The following RGS6 variants were observed in gnomAD, a reference collection of about 807,000 sequenced individuals.
RGS6 encodes the protein regulator of G protein signaling 6.
A neutral mutation model predicts 78.5 loss-of-function variants in RGS6; 30 were observed. That is an observed-to-expected ratio of 0.38 (90% CI 0.29 to 0.52). The LOEUF (loss-of-function observed/expected upper bound fraction) is 0.52, where lower values mean the gene tolerates loss of function less well. Ranked by LOEUF, RGS6 falls within the 20% of genes least tolerant of loss-of-function variation. The probability of loss-of-function intolerance (pLI) is 0.85; values close to 1 mark genes in which losing one functional copy is unlikely to be tolerated. For synonymous variants in RGS6, 206 were observed against 206.0 expected, an observed-to-expected ratio of 1.00 and a Z score of 0.00; for missense variants, 495 against 609.7, an observed-to-expected ratio of 0.81 and a Z score of 1.98.
chr14:72,059,831 G>T (rs2093803254), intron 2 of RGS6, among the ~76,000 whole-genome samples: 1 of 152,088 alleles, frequency 6.6e-6, no homozygotes, highest in Admixed American at 6.5e-5. Context: ...AAGCCAGGAA[G>T]GGAGGCCTCC....
At chr14:72,613,944 G>A in the RGS6 span, among the ~76,000 whole-genome samples, 4 of 152,228 alleles carry the variant, frequency 2.6e-5, no homozygotes, top group South Asian at 8.3e-4. Flanking sequence ...TGCCCAGCAG[G>A]AAGCACCCCC....
chr14:72,610,114 A>G, the RGS6 span, among the ~76,000 whole-genome samples: 1 of 152,202 alleles, frequency 6.6e-6, no homozygotes. Context: ...ATGGGGATAA[A>G]ATGTTGCAGT....
chr14:72,481,929 C>T (rs2096388717), intron 12 of RGS6, among the ~76,000 whole-genome samples: 1 of 151,722 alleles, frequency 6.6e-6, no homozygotes, highest in Admixed American at 6.6e-5. Flanking sequence ...CTGCCTCAGC[C>T]TCCTCAGTAG....
At chr14:72,175,372 C>A (rs576523214) in intron 2 of RGS6, among the ~76,000 whole-genome samples, 1 of 152,266 alleles carries the variant, frequency 6.6e-6, no homozygotes, top group South Asian at 2.1e-4. Context: ...CGTTTCATAG[C>A]CTGTACCAAT....
chr14:72,057,274 A>G (rs2190635), intron 2 of RGS6, among the ~76,000 whole-genome samples: 39,862 of 141,258 alleles, frequency 0.28, 5,600 homozygotes, highest in South Asian at 0.4. Flanking sequence ...AGATCGTGCC[A>G]TTGCACTCTA....
intron 3 of RGS6, among the ~76,000 whole-genome samples, chr14:72,448,547 A>G (rs1450581108): frequency 6.6e-6 from 1 of 152,160 alleles, no homozygotes; most frequent in Non-Finnish European, 1.5e-5. Flanking sequence ...CCTACTTAGA[A>G]TATCCTTCCA....
intron 2 of RGS6, among the ~76,000 whole-genome samples, chr14:72,021,393 A>G (rs1275879963): frequency 1.3e-5 from 2 of 151,436 alleles, no homozygotes; most frequent in Admixed American, 1.3e-4. Context: ...CTTACTCCAT[A>G]CCACACACTG....
chr14:72,120,666 G>T (rs938537361), intron 2 of RGS6, among the ~76,000 whole-genome samples: 3 of 152,174 alleles, frequency 2.0e-5, no homozygotes, highest in Non-Finnish European at 2.9e-5. Context: ...TCATGCAATG[G>T]CATACATGAA....
chr14:72,251,207 G>C (rs1445140352), intron 2 of RGS6, among the ~76,000 whole-genome samples: 1 of 152,222 alleles, frequency 6.6e-6, no homozygotes, highest in Non-Finnish European at 1.5e-5. Context: ...GTCTTTTTAT[G>C]CAGATAAAGT....
chr14:72,122,334 A>G (rs2238260), intron 2 of RGS6, among the ~76,000 whole-genome samples: 93,044 of 151,928 alleles, frequency 0.61, 29,175 homozygotes, highest in African/African-American at 0.73. Context: ...TACCTCATCT[A>G]ATCATCAGTA....
chr14:72,130,353 G>A (rs950910946), intron 2 of RGS6, among the ~76,000 whole-genome samples: 11 of 152,118 alleles, frequency 7.2e-5, no homozygotes, highest in African/African-American at 2.2e-4. Flanking sequence ...GCATGATTGA[G>A]GAAATAATTG....
intron 2 of RGS6, among the ~76,000 whole-genome samples, chr14:72,050,492 T>C (rs1256477014): frequency 2.6e-5 from 4 of 152,210 alleles, no homozygotes; most frequent in African/African-American, 9.6e-5. Flanking sequence ...CAAGAGCATA[T>C]GTTTTCTTCT....
chr14:72,430,586 CTCAGCAAAATTGCCA>C (rs2094587444), intron 3 of RGS6, among the ~76,000 whole-genome samples: 1 of 152,214 alleles, frequency 6.6e-6, no homozygotes, highest in African/African-American at 2.4e-5. Flanking sequence ...CTCAGTTGTA[CTCAGCAAAATTGCCA>C]CCTTTTCTGA....
chr14:72,347,739 G>A (rs993262155), intron 2 of RGS6, among the ~76,000 whole-genome samples: 10 of 152,188 alleles, frequency 6.6e-5, no homozygotes, highest in Non-Finnish European at 1.5e-4. Flanking sequence ...AATGTAAGGA[G>A]GGAGATGAGA....
At chr14:72,152,283 G>T (rs1042538357) in intron 2 of RGS6, among the ~76,000 whole-genome samples, 6 of 151,126 alleles carry the variant, frequency 4.0e-5, no homozygotes, top group African/African-American at 1.5e-4. Flanking sequence ...TGCGCATGCA[G>T]CCTTTAGAGG....
At chr14:72,314,227 G>A (rs2069419340) in intron 2 of RGS6, among the ~76,000 whole-genome samples, 3 of 152,034 alleles carry the variant, frequency 2.0e-5, no homozygotes, top group African/African-American at 7.2e-5. Context: ...GAGATGCTTG[G>A]AGGCAGACCA....
chr14:72,037,396 C>A (rs72737815), intron 2 of RGS6, among the ~76,000 whole-genome samples: 19,805 of 152,160 alleles, frequency 0.13, 1,340 homozygotes, highest in East Asian at 0.17. Flanking sequence ...CGGCTTCATT[C>A]TTGAAATCAG....
At chr14:72,429,289 C>T (rs2094538425) in intron 3 of RGS6, among the ~76,000 whole-genome samples, 3 of 152,222 alleles carry the variant, frequency 2.0e-5, no homozygotes, top group African/African-American at 7.2e-5. Flanking sequence ...CACTTCCATC[C>T]TGCATGGCTA....
At chr14:72,531,776 G>A (rs750052191) in intron 15 of RGS6, among the ~76,000 whole-genome samples, 7 of 152,122 alleles carry the variant, frequency 4.6e-5, no homozygotes, top group Non-Finnish European at 1.0e-4. Flanking sequence ...ACATATGCGT[G>A]GTCTCATACA....
Sources: gnomAD v4.1 joint callset for allele counts (sites outside exome capture counted in the v4.1 genomes callset) on GRCh38, gnomAD v4.1.1 for gene constraint, MANE v1.5 for transcripts, NCBI Gene and HGNC (gene_info 2026-07-23, HGNC 2026-07-21) for gene names.